Variants in AIG1 observed in about 807,000 individuals in gnomAD.
AIG1 encodes the protein androgen-induced gene 1 protein.
AIG1 carries 23 observed loss-of-function variants against 31.4 expected under a neutral mutation model. The observed-to-expected ratio is 0.73, with a 90% CI of 0.53 to 1.04. AIG1 has a LOEUF of 1.04. Ranked by LOEUF, AIG1 falls within the 50% of genes least tolerant of loss-of-function variation. The pLI, the probability that AIG1 is intolerant of heterozygous loss-of-function variation, is 0.00. For missense variants in AIG1, 274 were observed against 295.0 expected (o/e 0.93, Z 0.52); for synonymous variants, 100 against 110.5 (o/e 0.90, Z 0.60).
chr6:143,143,102 G>A (rs975676351), intron 2 of AIG1, among the ~76,000 whole-genome samples: 2 of 151,634 alleles, frequency 1.3e-5, no homozygotes, highest in African/African-American at 4.8e-5. Flanking sequence ...CTAATATTAA[G>A]GTCTGTTAAT....
chr6:143,166,234 C>T (rs1786929074), intron 3 of AIG1, among the ~76,000 whole-genome samples: 1 of 152,144 alleles, frequency 6.6e-6, no homozygotes, highest in African/African-American at 2.4e-5. Flanking sequence ...CAATTAGAGC[C>T]ACACTCTTGA....
At chr6:143,107,403 A>G (rs1049942908) in intron 1 of AIG1, among the ~76,000 whole-genome samples, 26 of 152,242 alleles carry the variant, frequency 1.7e-4, no homozygotes, top group African/African-American at 6.0e-4. Flanking sequence ...ACATATTACC[A>G]TAGATGCAGA....
chr6:143,187,318 A>T, intron 3 of AIG1: 1 of 1,315,654 alleles, frequency 7.6e-7, no homozygotes, highest in East Asian at 2.5e-5. Context: ...CATATGGCAA[A>T]TATGAACTAA....
At chr6:143,149,556 A>AT (rs1785015016) in intron 2 of AIG1, among the ~76,000 whole-genome samples, 1 of 150,868 alleles carries the variant, frequency 6.6e-6, no homozygotes, top group Admixed American at 6.6e-5. Context: ...AAAAAAAAAA[A>AT]AGAAAGAAAA....
rs1797275150 is a variant in AIG1 at position 143,280,549 on chromosome 6, G to C, written c.400-3561G>C. On this transcript the variant is annotated intron_variant, in intron 3 of 5. Transcript: ENST00000357847. This position sits in a 1 kb window ranked among gnomAD's most constrained non-coding sequence, Gnocchi z 4.1. ...CAGAATACTATGCAGCCGTAAAAAAGAGTGAGATCACGTCTTTTGCAGGAG... is the reference window on the plus strand; with the variant it reads ...CAGAATACTATGCAGCCGTAAAAAACAGTGAGATCACGTCTTTTGCAGGAG... 6.6e-6 allele frequency among the ~76,000 whole-genome samples: 1 copy of C among 152,208 alleles called. No homozygotes were observed. Among genetic ancestry groups the C allele is most frequent in the Non-Finnish European group, 1.5e-5 (1 of 68,038 alleles).
chr6:143,286,782 G>A (rs1369660847), intron 4 of AIG1, among the ~76,000 whole-genome samples: 1 of 152,138 alleles, frequency 6.6e-6, no homozygotes, highest in Non-Finnish European at 1.5e-5. Flanking sequence ...ATACCTCAGG[G>A]GCTGACCAGG....
At chr6:143,129,933 CTTTTTT>C (rs917523183) in intron 1 of AIG1, among the ~76,000 whole-genome samples, 1 of 134,810 alleles carries the variant, frequency 7.4e-6, no homozygotes, top group African/African-American at 2.7e-5. Flanking sequence ...TAAATAGACA[CTTTTTT>C]TTTTTTTTTT....
chr6:143,328,709 T>C lies in AIG1; in HGVS notation c.516-4573T>C, dbSNP rs146532005. On this transcript the variant is annotated intron_variant, in intron 4 of 5. Transcript: ENST00000357847. This position sits in a 1 kb window ranked among gnomAD's most constrained non-coding sequence, Gnocchi z 4.0. ...GTATCATTTGTGAGTAACAAAGCACTCAGATAGGAGGCATGAATAAATGTT... is the reference window on the plus strand; with the variant it reads ...GTATCATTTGTGAGTAACAAAGCACCCAGATAGGAGGCATGAATAAATGTT... Among the ~76,000 whole-genome samples the C allele has an allele frequency of 3.8e-3, 584 of 152,294 alleles. 3 individuals are homozygous for C. Among genetic ancestry groups the C allele is most frequent in the African/African-American group, 0.013 (551 of 41,554 alleles).
chr6:143,208,097 A>G (rs1374600372), intron 3 of AIG1, among the ~76,000 whole-genome samples: 2 of 152,192 alleles, frequency 1.3e-5, no homozygotes, highest in African/African-American at 2.4e-5. Flanking sequence ...CTTTTGCTTC[A>G]TGTGAGTAAG....
chr6:143,338,276 C>A lies in AIG1; in HGVS notation c.680-1363C>A. On this transcript the variant is annotated intron_variant, in intron 5 of 5. Coordinates refer to ENST00000357847, the MANE Select transcript of AIG1 (RefSeq NM_016108.4). This position sits in a 1 kb window ranked among gnomAD's most constrained non-coding sequence, Gnocchi z 4.3. ...ACCCAACAACGAAGGCGTGTTGTAC[C>A]TTCTTGCCTTCAAACCTGTTCCTCC... The A allele has an allele frequency of 2.8e-6, 1 of 355,018 alleles. No individual in the cohort carries two copies. The highest frequency in any genetic ancestry group is 5.0e-6 in the Non-Finnish European group (1 of 199,132). The allele number at this position is 355,018 out of a possible 1,614,324, so 22.0% of individuals were successfully genotyped here.
At chr6:143,313,742 A>G (rs2128709378) in intron 4 of AIG1, among the ~76,000 whole-genome samples, 1 of 152,204 alleles carries the variant, frequency 6.6e-6, no homozygotes, top group African/African-American at 2.4e-5. Context: ...GGTGATGGAT[A>G]CCCCATTTAC....
rs370379482 is a variant in AIG1, at chr6:143,288,032, A to G, written c.515+3807A>G. 3.3e-5 allele frequency among the ~76,000 whole-genome samples: 5 copies of G among 152,276 alleles called. No homozygotes were observed. Among genetic ancestry groups the G allele is most frequent in the Admixed American group, 1.3e-4 (2 of 15,288 alleles). On this transcript the variant is annotated intron_variant, in intron 4 of 5. Coordinates refer to ENST00000357847, the MANE Select transcript of AIG1 (RefSeq NM_016108.4). The surrounding 1 kb of genome is among the most constrained non-coding windows in gnomAD (Gnocchi z 4.4). Reference sequence around the variant, plus strand: ...GGGTAACACAGGGAGCTTTAAGATCATGGGCTCCTGTCTCTTGTCACCTTC... The same window carrying G: ...GGGTAACACAGGGAGCTTTAAGATCGTGGGCTCCTGTCTCTTGTCACCTTC...
At chr6:143,144,184 A>G (rs900219786) in intron 2 of AIG1, among the ~76,000 whole-genome samples, 27 of 152,352 alleles carry the variant, frequency 1.8e-4, no homozygotes, top group African/African-American at 6.0e-4. Flanking sequence ...AAAATTTCAC[A>G]TAGATGCCCA....
chr6:143,122,013 C>T (rs1186409069), intron 1 of AIG1, among the ~76,000 whole-genome samples: 1 of 151,980 alleles, frequency 6.6e-6, no homozygotes, highest in African/African-American at 2.4e-5. Flanking sequence ...AATTAGTGTA[C>T]CTTATAAAGC....
chr6:143,142,661 A>G (rs1784339788), intron 2 of AIG1, among the ~76,000 whole-genome samples: 1 of 152,140 alleles, frequency 6.6e-6, no homozygotes, highest in Non-Finnish European at 1.5e-5. Context: ...CTTTTCGGAA[A>G]TTTGACCTTC....
chr6:143,290,731 G>A (rs1402548140), intron 4 of AIG1, among the ~76,000 whole-genome samples: 1 of 152,134 alleles, frequency 6.6e-6, no homozygotes, highest in East Asian at 1.9e-4. Context: ...TCACCTGATG[G>A]TTGCCTGACA....
chr6:143,165,057 A>C (rs1786791413), intron 2 of AIG1, 25 bp from the exon 3 acceptor site: 1 of 1,528,870 alleles, frequency 6.5e-7, no homozygotes, highest in South Asian at 1.1e-5. Flanking sequence ...TGAACTTGAA[A>C]TAAAAGATTT....
In AIG1 at chr6:143,299,104, G is replaced by A. The variant is rs1314141985; in HGVS notation, c.515+14879G>A. The A allele has an allele frequency of 6.6e-6, 1 of 152,122 alleles. No homozygotes were observed. The highest frequency in any genetic ancestry group is 1.5e-5 in the Non-Finnish European group (1 of 68,058). 9.4% of individuals were successfully genotyped at this position (152,122 alleles called of 1,614,324 possible). ...GGAGGATGGCTGAAAAGAACTTCTG[G>A]GTCTATGACTCTCTCCTTGACAGAG... On this transcript the variant is annotated intron_variant, in intron 4 of 5. Transcript: ENST00000357847. The surrounding 1 kb of genome is among the most constrained non-coding windows in gnomAD (Gnocchi z 4.1).
At chr6:143,275,937 A>G (rs1377777473) in intron 3 of AIG1, among the ~76,000 whole-genome samples, 2 of 152,200 alleles carry the variant, frequency 1.3e-5, no homozygotes, top group Non-Finnish European at 2.9e-5. Flanking sequence ...GGTCATCTCT[A>G]GCATCCCAGT....
Sources: gnomAD v4.1 joint callset for allele counts (sites outside exome capture counted in the v4.1 genomes callset) on GRCh38, gnomAD v4.1.1 for gene constraint, Gnocchi (gnomAD v3.1) non-coding constraint, MANE v1.5 for transcripts, NCBI Gene and HGNC (gene_info 2026-07-23, HGNC 2026-07-21) for gene names.